CLYBL: variants seen among roughly 807,000 people sequenced by gnomAD.
The protein encoded by CLYBL is citramalyl-CoA lyase.
Under a neutral mutation model 38.9 loss-of-function variants are expected in CLYBL, and 31 were observed. The ratio of observed to expected loss-of-function variants is 0.80; its 90% CI spans 0.60 to 1.08. CLYBL has a LOEUF of 1.08. Among genes scored for constraint, CLYBL ranks in the 50% least tolerant of loss-of-function variants. The pLI, the probability that CLYBL is intolerant of heterozygous loss-of-function variation, is 0.00. For missense variants in CLYBL, 434 were observed against 411.6 expected, an observed-to-expected ratio of 1.05 and a Z score of -0.47; for synonymous variants, 171 against 158.6, an observed-to-expected ratio of 1.08 and a Z score of -0.59.
At chr13:99,728,660 C>T (rs1248988236) in intron 1 of CLYBL, among the ~76,000 whole-genome samples, 1 of 152,050 alleles carries the variant, frequency 6.6e-6, no homozygotes, top group Non-Finnish European at 1.5e-5. Flanking sequence ...ACTGCAGCCT[C>T]AACCTCCAGG....
intron 1 of CLYBL, among the ~76,000 whole-genome samples, chr13:99,755,279 G>A (rs759916580): frequency 6.6e-6 from 1 of 152,218 alleles, no homozygotes; most frequent in Non-Finnish European, 1.5e-5. Flanking sequence ...CCAGGAGGAA[G>A]TGTACAAACC....
chr13:99,773,563 G>T (rs2049446314), intron 2 of CLYBL, among the ~76,000 whole-genome samples: 1 of 152,102 alleles, frequency 6.6e-6, no homozygotes, highest in Non-Finnish European at 1.5e-5. Flanking sequence ...GATGATCTGA[G>T]GTGGAACAGT....
At chr13:99,852,741 T>A (rs1188305741) in intron 2 of CLYBL, among the ~76,000 whole-genome samples, 1 of 152,016 alleles carries the variant, frequency 6.6e-6, no homozygotes, top group African/African-American at 2.4e-5. Context: ...CCCCCTACAC[T>A]TTATTAAAAA....
intron 2 of CLYBL, among the ~76,000 whole-genome samples, chr13:99,843,821 C>T (rs1299537495): frequency 6.6e-6 from 1 of 152,122 alleles, no homozygotes; most frequent in Non-Finnish European, 1.5e-5. Flanking sequence ...AGGCTGGTCT[C>T]GAACTCCTGA....
intron 1 of CLYBL, among the ~76,000 whole-genome samples, chr13:99,693,565 C>A (rs530190209): frequency 4.6e-5 from 7 of 152,076 alleles, no homozygotes; most frequent in African/African-American, 1.7e-4. Context: ...AGTGATGTGA[C>A]CCACTCTGGT....
chr13:99,860,565 C>T (rs528921440), intron 3 of CLYBL, among the ~76,000 whole-genome samples: 1 of 152,338 alleles, frequency 6.6e-6, no homozygotes, highest in South Asian at 2.1e-4. Context: ...TCTGAAGTCA[C>T]TGTTCCCTTT....
At chr13:99,908,822 C>A (rs2052722630) in exon 10 of CLYBL, among the ~76,000 whole-genome samples, 1 of 152,028 alleles carries the variant, frequency 6.6e-6, no homozygotes, top group Non-Finnish European at 1.5e-5. Flanking sequence ...TGGTGCCTGC[C>A]CCTAATACAT....
intron 7 of CLYBL, among the ~76,000 whole-genome samples, chr13:99,889,365 G>A (rs940964317): frequency 6.6e-6 from 1 of 152,162 alleles, no homozygotes; most frequent in African/African-American, 2.4e-5. Flanking sequence ...AAAACTAGAC[G>A]ATTGCCTTGT....
At chr13:99,854,375 C>T (rs978647955) in intron 2 of CLYBL, among the ~76,000 whole-genome samples, 1 of 150,934 alleles carries the variant, frequency 6.6e-6, no homozygotes, top group Non-Finnish European at 1.5e-5. Context: ...CCAAGGGGCT[C>T]CTCTTGGTTG....
At chr13:99,615,017 G>C (rs2046687446) in intron 1 of CLYBL, among the ~76,000 whole-genome samples, 3 of 152,228 alleles carry the variant, frequency 2.0e-5, no homozygotes, top group Admixed American at 2.0e-4. Context: ...TTTCATGGTA[G>C]TCAGTTGCTA....
chr13:99,791,495 A>G (rs1273277088), intron 2 of CLYBL, among the ~76,000 whole-genome samples: 1 of 152,134 alleles, frequency 6.6e-6, no homozygotes, highest in African/African-American at 2.4e-5. Context: ...ATAGTCAGGA[A>G]CTTTAGAGCC....
intron 1 of CLYBL, among the ~76,000 whole-genome samples, chr13:99,618,368 C>T (rs1163598958): frequency 5.3e-5 from 8 of 151,962 alleles, no homozygotes; most frequent in Admixed American, 5.2e-4. Context: ...CTCCTGGGTT[C>T]AAGCAACTCT....
intron 1 of CLYBL, among the ~76,000 whole-genome samples, chr13:99,693,598 A>G (rs2047939072): frequency 6.6e-6 from 1 of 151,848 alleles, no homozygotes; most frequent in South Asian, 2.1e-4. Flanking sequence ...GTTAAGAGAG[A>G]TTATTTTAAG....
chr13:99,791,947 C>G (rs2049926006), intron 2 of CLYBL, among the ~76,000 whole-genome samples: 1 of 152,066 alleles, frequency 6.6e-6, no homozygotes, highest in Admixed American at 6.6e-5. Context: ...TTTTAAGCTT[C>G]CCCCCTCAAT....
chr13:99,704,668 C>T lies in CLYBL; in HGVS notation c.63-68156C>T, dbSNP rs114246440. Among the ~76,000 whole-genome samples the T allele has an allele frequency of 2.1e-3, 324 of 152,244 alleles. 1 individual carries two copies. Among genetic ancestry groups the T allele is most frequent in the African/African-American group, 7.0e-3 (292 of 41,536 alleles). ...CAAACTTAGAAGAACCAGGTGCACA[C>T]GCCAGGTTTGGGGGCCGTTTGACAG... is the stretch of plus-strand genomic sequence containing the variant. On this transcript the variant is annotated intron_variant, in intron 1 of 8. Transcript: ENST00000339105.
chr13:99,606,866 C>T (rs1179902071), intron 1 of CLYBL, 109 bp downstream of exon 1: 5 of 1,277,048 alleles, frequency 3.9e-6, no homozygotes, highest in Non-Finnish European at 4.9e-6. Flanking sequence ...CACGGGAACC[C>T]AGCCGGACGG....
chr13:99,755,528 T>C (rs1252003353), intron 1 of CLYBL, among the ~76,000 whole-genome samples: 1 of 152,164 alleles, frequency 6.6e-6, no homozygotes, highest in African/African-American at 2.4e-5. Flanking sequence ...TTACCTCTGA[T>C]ATGGGCGCCC....
intron 7 of CLYBL, among the ~76,000 whole-genome samples, chr13:99,873,022 AAC>A (rs2051948406): frequency 6.6e-6 from 1 of 152,094 alleles, no homozygotes; most frequent in Non-Finnish European, 1.5e-5. Flanking sequence ...GGCTTTTCTT[AAC>A]ACAGAACCAT....
chr13:99,857,168 A>G (rs901644768), intron 2 of CLYBL, among the ~76,000 whole-genome samples: 1 of 151,894 alleles, frequency 6.6e-6, no homozygotes, highest in African/African-American at 2.4e-5. Flanking sequence ...TACAAAAATT[A>G]GCTGGGTGTG....
Sources: allele counts gnomAD v4.1 joint callset (sites outside exome capture counted in the v4.1 genomes callset), GRCh38; gene constraint gnomAD v4.1.1; transcripts MANE v1.5; gene names NCBI Gene and HGNC (gene_info 2026-07-23, HGNC 2026-07-21).